Variants in POLH observed in about 807,000 individuals in gnomAD.
POLH encodes DNA polymerase eta transcript.
POLH carries 53 observed loss-of-function variants against 73.6 expected under a neutral mutation model. That is an observed-to-expected ratio of 0.72 (90% CI 0.58 to 0.91). The LOEUF is 0.91. Ranked by LOEUF, POLH falls within the 40% of genes least tolerant of loss-of-function variation. The probability of loss-of-function intolerance (pLI) is 0.00; values close to 1 mark genes in which losing one functional copy is unlikely to be tolerated. For missense variants in POLH, 768 were observed against 865.4 expected (o/e 0.89, Z 1.41); for synonymous variants, 292 against 308.5 (o/e 0.95, Z 0.56).
At chr6:43,599,876 T>C (rs1766526597) in intron 5 of POLH, among the ~76,000 whole-genome samples, 1 of 151,984 alleles carries the variant, frequency 6.6e-6, no homozygotes, top group Non-Finnish European at 1.5e-5. Context: ...AGATTTCTCT[T>C]GGCCGAGTGC....
intron 3 of POLH, among the ~76,000 whole-genome samples, chr6:43,586,360 A>G (rs1764821516): frequency 6.6e-6 from 1 of 152,174 alleles, no homozygotes; most frequent in Non-Finnish European, 1.5e-5. Flanking sequence ...AGGCGCCTGT[A>G]ATCCCAGCTA....
At chr6:43,592,404 CTTTTTTTTTTTTT>C (rs897203358) in intron 4 of POLH, among the ~76,000 whole-genome samples, 7 of 131,818 alleles carry the variant, frequency 5.3e-5, no homozygotes, top group African/African-American at 2.1e-4. Context: ...TTTGTATCTT[CTTTTTTTTTTTTT>C]TTTTTGGAGA....
intron 1 of POLH, among the ~76,000 whole-genome samples, chr6:43,581,013 C>T (rs1267355474): frequency 6.8e-6 from 1 of 147,214 alleles, no homozygotes; most frequent in Non-Finnish European, 1.5e-5. Flanking sequence ...ACCTCCCTCC[C>T]GGACGGGGTG....
chr6:43,587,207 T>G (rs1582278651), intron 3 of POLH, 65 bp from the exon 4 acceptor site: 10 of 1,139,348 alleles, frequency 8.8e-6, no homozygotes. Context: ...AGGGTGGGAG[T>G]GGAGCAGACA....
rs993835377 is a variant in POLH at position 43,618,934 on chromosome 6, C to A, written c.*4377C>A. 7.0e-6 allele frequency among the ~76,000 whole-genome samples: 1 copy of A among 143,462 alleles called. No homozygotes were observed. The highest frequency in any genetic ancestry group is 1.5e-5 in the Non-Finnish European group (1 of 66,650). The allele number at this position is 143,462 out of a possible 152,430, so 94.1% of individuals were successfully genotyped here. On this transcript the variant is annotated 3_prime_UTR_variant, in exon 11 of 11. Transcript: ENST00000372236. Reference sequence around the variant, plus strand: ...GCCTGAGCCACCAGGCCAGCCCCAACTTCTACTTTTTATTTTATTTATAAA... The same window carrying A: ...GCCTGAGCCACCAGGCCAGCCCCAAATTCTACTTTTTATTTTATTTATAAA...
chr6:43,587,361 T>A lies in POLH; in HGVS notation c.362T>A (p.Leu121Gln). 1 of 1,614,110 alleles carries A rather than the reference T, an allele frequency of 6.2e-7. No homozygotes were observed. The highest frequency in any genetic ancestry group is 8.5e-7 in the Non-Finnish European group (1 of 1,179,916). Residue 121 changes from leucine to glutamine, a missense_variant, in exon 4 of 11, where the codon CTG becomes CAG. Transcript: ENST00000372236. ...AGCATTGATGAGGCTTACGTAGATC[T>A]GACCAGTGCTGTACAAGAGAGACTA... ...RASIDEAYVD[L>Q]TSAVQERLQK...
At chr6:43,576,687 A>G (rs896890895) in intron 1 of POLH, among the ~76,000 whole-genome samples, 8 of 152,208 alleles carry the variant, frequency 5.3e-5, no homozygotes, top group Non-Finnish European at 1.2e-4. Flanking sequence ...GGTGGGCACT[A>G]AACTTGTTTT....
chr6:43,604,153 C>G lies in POLH; in HGVS notation c.884+142C>G, dbSNP rs1767022470. 5.2e-6 allele frequency: 4 copies of G among 770,648 alleles called. No individual in the cohort carries two copies. In the East Asian group the frequency reaches 8.2e-5, roughly 16 times the overall value. 47.7% of individuals were successfully genotyped at this position (770,648 alleles called of 1,614,324 possible). A position where few individuals can be genotyped will look rare whatever the true frequency, so the allele number is the denominator to read the frequency against. The stretch of plus-strand genomic sequence containing the variant: ...ATTATTTCACTGGTTCTTCTTGCTT[C>G]AATATCTTGGGTCACTATGGCCCAT... On this transcript the variant is annotated intron_variant, in intron 7 of 10. Transcript: ENST00000372236.
Position 43,584,879 on chromosome 6 carries a change from G to A in POLH, c.272+1738G>A, listed in dbSNP as rs1031071133. 2.6e-5 allele frequency among the ~76,000 whole-genome samples: 4 copies of A among 152,202 alleles called. No individual in the cohort carries two copies. The South Asian group carries it at 8.3e-4, about 31-fold the overall frequency. ...AGATAGGTTGGGCATGGTGGCTCAC[G>A]CCTGTAATCCTAGCACTTTGGGAGG... On this transcript the variant is annotated intron_variant, in intron 3 of 10. Transcript: ENST00000372236.
chr6:43,583,372 C>T (rs1028008060), intron 3 of POLH, among the ~76,000 whole-genome samples: 1 of 152,088 alleles, frequency 6.6e-6, no homozygotes, highest in African/African-American at 2.4e-5. Context: ...CTATTCAGTT[C>T]CTTAATTGTT....
intron 5 of POLH, 99 bp from the exon 6 acceptor site, chr6:43,600,889 C>T (rs1367628269): frequency 1.2e-5 from 10 of 806,618 alleles, no homozygotes; most frequent in Non-Finnish European, 2.2e-5. Flanking sequence ...TTAGTTACAG[C>T]TATTAAGCTC....
chr6:43,582,731 G>C (rs9333508), intron 2 of POLH, among the ~76,000 whole-genome samples: 2 of 152,058 alleles, frequency 1.3e-5, no homozygotes, highest in Non-Finnish European at 2.9e-5. Context: ...GATTGGTTGG[G>C]GGGGCAGGGC....
chr6:43,580,128 C>T (rs1196896385), intron 1 of POLH, among the ~76,000 whole-genome samples: 2 of 149,014 alleles, frequency 1.3e-5, no homozygotes, highest in Non-Finnish European at 3.0e-5. Context: ...AGCATGCTGC[C>T]TTCAAGCATC....
In POLH at chr6:43,604,716, C is replaced by T. The variant is rs35675573; in HGVS notation, c.986C>T (p.Thr329Ile). 1,608 of 1,614,090 alleles carry T rather than the reference C, an allele frequency of 1.0e-3. 10 individuals carry two copies. The African/African-American group carries it at 0.017, about 17-fold the overall frequency. The change falls in exon 8 of 11, where the codon ACA becomes ATA. Residue 329 changes from threonine to isoleucine, a missense_variant. Transcript: ENST00000372236. Reference protein sequence around the residue: ...IGCSKNFPGKTALATREQVQW... With the variant: ...IGCSKNFPGKIALATREQVQW... ...TGTAGTAAGAACTTCCCAGGAAAAA[C>T]AGCTCTTGCTACTCGGGAACAGGTA...
intron 4 of POLH, among the ~76,000 whole-genome samples, chr6:43,592,637 G>T (rs1007272154): frequency 1.3e-5 from 2 of 151,990 alleles, no homozygotes; most frequent in African/African-American, 4.8e-5. Context: ...GCATGGTCTC[G>T]ATCTCCTGAC....
At position 43,597,747 on chromosome 6, in the gene POLH, A is replaced by T. The variant is rs762484795; in HGVS notation, c.542A>T (p.Asp181Val). 1 of 1,614,072 alleles carries T rather than the reference A, an allele frequency of 6.2e-7. No individual in the cohort carries two copies. The highest frequency in any genetic ancestry group is 1.1e-5 in the South Asian group (1 of 91,080). The change falls in exon 5 of 11, where the codon GAT (aspartate) becomes GTT (valine). Residue 181 changes from aspartate to valine, a missense_variant. Coordinates refer to ENST00000372236, the MANE Select transcript of POLH (RefSeq NM_006502.3). ...CAATGGCTCGATTCTCTTCAGATTG[A>T]TAACCTCACCTCTCCAGACCTGCAG... Reference protein sequence around the residue: ...LFQWLDSLQIDNLTSPDLQLT... With the variant: ...LFQWLDSLQIVNLTSPDLQLT...
chr6:43,615,826 CCA>C lies in POLH; in HGVS notation c.*1273_*1274del, dbSNP rs1288988215. Among the ~76,000 whole-genome samples, 1 of 151,684 alleles carries C rather than the reference CCA, an allele frequency of 6.6e-6. No individual in the cohort carries two copies. Among genetic ancestry groups the C allele is most frequent in the African/African-American group, 2.4e-5 (1 of 41,346 alleles). ...TAGCTGGGACTACAGGCACGTGCTA[CCA>C]CACTCAGCTAATTTTTGTATTTTTA... On this transcript the variant is annotated 3_prime_UTR_variant, in exon 11 of 11. Coordinates refer to ENST00000372236, the MANE Select transcript of POLH (RefSeq NM_006502.3).
chr6:43,618,797 A>C lies in POLH; in HGVS notation c.*4240A>C, dbSNP rs1768515313. ...AGGCATGCACCATCACGCCTGGCTA[A>C]TTTTTGTATTTTTAGTAGAGATGGG... On this transcript the variant is annotated 3_prime_UTR_variant, in exon 11 of 11. Transcript: ENST00000372236. Among the ~76,000 whole-genome samples, 3 of 151,814 alleles carry C rather than the reference A, an allele frequency of 2.0e-5. No homozygotes were observed. Among genetic ancestry groups the C allele is most frequent in the Admixed American group, 1.3e-4 (2 of 15,222 alleles).
Position 43,614,112 on chromosome 6 carries a change from C to G in POLH, c.1697C>G (p.Ser566Cys), listed in dbSNP as rs1768164019. 3 of 1,614,236 alleles carry G rather than the reference C, an allele frequency of 1.9e-6. No homozygotes were observed. The highest frequency in any genetic ancestry group is 1.3e-5 in the African/African-American group (1 of 75,054). Residue 566 changes from serine (S) to cysteine (C), a missense_variant, in exon 11 of 11, where the codon TCT becomes TGT. Coordinates refer to ENST00000372236, the MANE Select transcript of POLH (RefSeq NM_006502.3). ...TCCAACTGTAAAGCATTACCAAACT[C>G]TTTACCAACAGAGTATCCAGGGTGT... The part of the protein sequence containing the change: ...PWSNCKALPN[S>C]LPTEYPGCVP...
Sources: gnomAD v4.1 joint callset for allele counts (sites outside exome capture counted in the v4.1 genomes callset) on GRCh38, gnomAD v4.1.1 for gene constraint, MANE v1.5 for transcripts, NCBI Gene and HGNC (gene_info 2026-07-23, HGNC 2026-07-21) for gene names.